UTS2B: variants seen among roughly 807,000 people sequenced by gnomAD.
UTS2B encodes the protein urotensin-2B.
Under a neutral mutation model 19.2 loss-of-function variants are expected in UTS2B, and 21 were observed. The ratio of observed to expected loss-of-function variants is 1.09; its 90% CI spans 0.78 to 1.58. The LOEUF is 1.58. Ranked by LOEUF, UTS2B falls within the 40% of genes most tolerant of loss-of-function variation. The pLI is 0.00. For synonymous variants in UTS2B, 57 were observed against 50.2 expected, an observed-to-expected ratio of 1.14 and a Z score of -0.58; for missense variants, 138 against 130.3, an observed-to-expected ratio of 1.06 and a Z score of -0.29.
chr3:191,292,403 G>A (rs1184161589), intron 4 of UTS2B, among the ~76,000 whole-genome samples: 1 of 152,000 alleles, frequency 6.6e-6, no homozygotes, highest in African/African-American at 2.4e-5. Flanking sequence ...TTTTTGCGTT[G>A]TTCTTTGCTA....
chr3:191,332,396 T>C (rs73201627), upstream of UTS2B, among the ~76,000 whole-genome samples: 3 of 152,112 alleles, frequency 2.0e-5, no homozygotes, highest in African/African-American at 7.2e-5. Flanking sequence ...GTGAAAAGAA[T>C]CAAGTCAACT....
chr3:191,291,768 A>G (rs1388862526), intron 4 of UTS2B, among the ~76,000 whole-genome samples: 1 of 151,840 alleles, frequency 6.6e-6, no homozygotes, highest in East Asian at 1.9e-4. Flanking sequence ...ACTTTAAGTA[A>G]AGTTTTATAT....
At chr3:191,281,275 A>G (rs962716281) in intron 5 of UTS2B, among the ~76,000 whole-genome samples, 3 of 152,164 alleles carry the variant, frequency 2.0e-5, no homozygotes, top group African/African-American at 4.8e-5. Flanking sequence ...CAGGCTGGAA[A>G]AGGTATTAGA....
intron 8 of UTS2B, among the ~76,000 whole-genome samples, chr3:191,269,849 G>A (rs1021673227): frequency 6.6e-6 from 1 of 152,216 alleles, no homozygotes; most frequent in Non-Finnish European, 1.5e-5. Context: ...TTTTTTGGAT[G>A]TGGTCAAAGG....
At chr3:191,330,554 G>C (rs1717945865), upstream of UTS2B, 1 of 152,014 alleles carries the variant, frequency 6.6e-6, no homozygotes, top group African/African-American at 2.4e-5. Context: ...TTTATTCTTT[G>C]GTCCTAGGAA....
chr3:191,312,740 A>G (rs1351919468), intron 3 of UTS2B, among the ~76,000 whole-genome samples: 3 of 152,188 alleles, frequency 2.0e-5, no homozygotes, highest in Non-Finnish European at 4.4e-5. Context: ...TGGCTGATCT[A>G]ACCCCAAAAC....
At chr3:191,320,596 G>A (rs1319264974) in intron 2 of UTS2B, among the ~76,000 whole-genome samples, 1 of 152,166 alleles carries the variant, frequency 6.6e-6, no homozygotes, top group Non-Finnish European at 1.5e-5. Flanking sequence ...TGCGAAGGAG[G>A]CTACGGCCAA....
intron 3 of UTS2B, among the ~76,000 whole-genome samples, chr3:191,310,729 G>A (rs965834505): frequency 2.0e-5 from 3 of 152,288 alleles, no homozygotes; most frequent in Middle Eastern, 3.4e-3. Context: ...TAGTAGCAAT[G>A]ATCAGAGTTA....
chr3:191,309,336 G>T (rs1478986410), intron 3 of UTS2B, among the ~76,000 whole-genome samples: 1 of 150,992 alleles, frequency 6.6e-6, no homozygotes, highest in Non-Finnish European at 1.5e-5. Context: ...TAAGTTTTTG[G>T]TTTTTCTTTT....
rs1275029829 is a variant in UTS2B, at chr3:191,275,678, T to A, written c.241-333A>T. Among the ~76,000 whole-genome samples, 6 of 137,598 alleles carry A rather than the reference T, an allele frequency of 4.4e-5. 1 individual carries two copies. In the South Asian group the frequency reaches 1.1e-3, roughly 26 times the overall value. 90.3% of individuals were successfully genotyped at this position (137,598 alleles called of 152,430 possible). On this transcript the variant is annotated intron_variant, in intron 7 of 8. Transcript: ENST00000340524. ...CAGGGCAACAGAGCAAGACTCCATC[T>A]CAAAAAAACAAAAAACAAACAACAA...
intron 1 of UTS2B, chr3:191,329,401 G>A: frequency 2.4e-6 from 1 of 413,510 alleles, no homozygotes; most frequent in East Asian, 4.3e-5. Context: ...TCCATTTCCG[G>A]GCTCCGGATA....
chr3:191,298,761 G>C (rs1431760803), intron 4 of UTS2B, among the ~76,000 whole-genome samples: 1 of 152,094 alleles, frequency 6.6e-6, no homozygotes, highest in Non-Finnish European at 1.5e-5. Flanking sequence ...GAAGAAAATA[G>C]GAAGATGAGG....
At chr3:191,311,429 TTCTC>T (rs367598836) in intron 3 of UTS2B, among the ~76,000 whole-genome samples, 2 of 152,154 alleles carry the variant, frequency 1.3e-5, no homozygotes, top group African/African-American at 4.8e-5. Flanking sequence ...TGATATCTCT[TTCTC>T]TCTCTCTCCA....
chr3:191,310,339 C>T (rs1360813511), intron 3 of UTS2B, among the ~76,000 whole-genome samples: 1 of 151,446 alleles, frequency 6.6e-6, no homozygotes, highest in African/African-American at 2.4e-5. Flanking sequence ...CCTTTCAAAA[C>T]AAATAGTAGG....
the UTS2B span, among the ~76,000 whole-genome samples, chr3:191,340,040 T>A: frequency 6.6e-6 from 1 of 152,240 alleles, no homozygotes; most frequent in African/African-American, 2.4e-5. Context: ...TTTTACATGA[T>A]GTATAATACT....
chr3:191,342,477 A>G, the UTS2B span, among the ~76,000 whole-genome samples: 1 of 152,204 alleles, frequency 6.6e-6, no homozygotes, highest in Non-Finnish European at 1.5e-5. Flanking sequence ...AACTTGCAGT[A>G]GCTGGTGCTT....
Position 191,276,156 on chromosome 3 carries a change from G to T in UTS2B, c.240+651C>A, listed in dbSNP as rs543890722. 4.6e-5 allele frequency among the ~76,000 whole-genome samples: 7 copies of T among 152,194 alleles called. No individual in the cohort carries two copies. The South Asian group carries it at 8.3e-4, about 18-fold the overall frequency. On this transcript the variant is annotated intron_variant, in intron 7 of 8. Transcript: ENST00000340524. ...TATTTTAATTTTTAATTTTAATAAG[G>T]TTACTAATTGCCTTAGGCCCTGAAG...
At chr3:191,326,778 C>A (rs1037008504) in intron 2 of UTS2B, among the ~76,000 whole-genome samples, 2 of 152,210 alleles carry the variant, frequency 1.3e-5, no homozygotes, top group African/African-American at 4.8e-5. Flanking sequence ...TACTGTCAGT[C>A]CTTTGCTAGA....
intron 1 of UTS2B, chr3:191,329,822 G>T (rs1179571936): frequency 3.2e-6 from 4 of 1,238,884 alleles, no homozygotes; most frequent in Non-Finnish European, 4.6e-6. Context: ...CGCGGCCCTC[G>T]CCCGGTGCCC....
Sources: gnomAD v4.1 joint callset for allele counts (sites outside exome capture counted in the v4.1 genomes callset) on GRCh38, gnomAD v4.1.1 for gene constraint, MANE v1.5 for transcripts, NCBI Gene and HGNC (gene_info 2026-07-23, HGNC 2026-07-21) for gene names.